Variants in RIMS2 observed in about 807,000 individuals in gnomAD.
The protein encoded by RIMS2 is regulating synaptic membrane exocytosis protein 2.
RIMS2 carries 59 observed loss-of-function variants against 174.4 expected under a neutral mutation model. The ratio of observed to expected loss-of-function variants is 0.34; its 90% CI spans 0.27 to 0.42. The LOEUF (loss-of-function observed/expected upper bound fraction) is 0.42, where lower values mean the gene tolerates loss of function less well. RIMS2 is among the 10% of genes least tolerant of loss of function. The probability of loss-of-function intolerance (pLI) is 1.00; values close to 1 mark genes in which losing one functional copy is unlikely to be tolerated. For synonymous variants in RIMS2, 606 were observed against 572.5 expected (o/e 1.06, Z -0.84); for missense variants, 1,620 against 1,666.3 (o/e 0.97, Z 0.48).
At chr8:104,178,722 C>G (rs547766351) in intron 19 of RIMS2, among the ~76,000 whole-genome samples, 2 of 152,092 alleles carry the variant, frequency 1.3e-5, no homozygotes, top group South Asian at 4.1e-4. Context: ...GCTGTTGATA[C>G]TACATGCTTT....
intron 12 of RIMS2, among the ~76,000 whole-genome samples, chr8:103,933,021 G>A (rs982063204): frequency 6.6e-5 from 10 of 152,004 alleles, no homozygotes; most frequent in African/African-American, 9.7e-5. Flanking sequence ...GGCCAGGCGC[G>A]GTGGCTCATG....
chr8:103,623,732 G>A (rs564315250), intron 1 of RIMS2, among the ~76,000 whole-genome samples: 2 of 151,140 alleles, frequency 1.3e-5, no homozygotes, highest in South Asian at 4.2e-4. Flanking sequence ...CTCGTGATCC[G>A]CCCGCTTCGG....
exon 8 of RIMS2, chr8:103,916,508 A>G: frequency 6.2e-7 from 1 of 1,611,360 alleles, no homozygotes; most frequent in Non-Finnish European, 8.5e-7. Flanking sequence ...CTGAACCACA[A>G]GTAGAACTTG....
At chr8:104,107,975 C>G (rs999150648) in intron 19 of RIMS2, among the ~76,000 whole-genome samples, 12 of 151,062 alleles carry the variant, frequency 7.9e-5, no homozygotes, top group East Asian at 5.8e-4. Context: ...CTGCCCCCCC[C>G]CCACAATGGA....
intron 19 of RIMS2, among the ~76,000 whole-genome samples, chr8:104,077,169 A>C (rs1031251439): frequency 6.6e-6 from 1 of 152,142 alleles, no homozygotes; most frequent in Non-Finnish European, 1.5e-5. Flanking sequence ...CTTAGAGCAG[A>C]GCTTGATATG....
intron 19 of RIMS2, among the ~76,000 whole-genome samples, chr8:104,030,796 G>T (rs2096374842): frequency 6.6e-6 from 1 of 151,818 alleles, no homozygotes. Flanking sequence ...ATTACCTCTG[G>T]ATATTTTATT....
At chr8:103,627,963 A>G (rs533425620) in intron 1 of RIMS2, among the ~76,000 whole-genome samples, 2 of 152,224 alleles carry the variant, frequency 1.3e-5, no homozygotes, top group African/African-American at 4.8e-5. Flanking sequence ...TGAATTTACA[A>G]CTCTCTTCAT....
At chr8:103,789,012 C>T (rs903829763) in intron 3 of RIMS2, among the ~76,000 whole-genome samples, 15 of 152,286 alleles carry the variant, frequency 9.8e-5, no homozygotes, top group African/African-American at 3.4e-4. Context: ...GCGCAGTATT[C>T]GGGTGGGAGT....
intron 1 of RIMS2, among the ~76,000 whole-genome samples, chr8:103,584,713 A>G (rs1193897739): frequency 6.6e-6 from 1 of 152,204 alleles, no homozygotes; most frequent in African/African-American, 2.4e-5. Flanking sequence ...GGTGACTTCA[A>G]TTCAAAACAC....
intron 10 of RIMS2, among the ~76,000 whole-genome samples, chr8:103,925,280 TA>T (rs1465845656): frequency 6.6e-6 from 1 of 151,628 alleles, no homozygotes; most frequent in Non-Finnish European, 1.5e-5. Context: ...AAGTTACTTT[TA>T]AAAATATCTT....
chr8:104,130,315 A>C (rs1208639112), intron 19 of RIMS2, among the ~76,000 whole-genome samples: 2 of 152,238 alleles, frequency 1.3e-5, no homozygotes, highest in Non-Finnish European at 2.9e-5. Flanking sequence ...CTGTACACCG[A>C]GCAGTCCTGC....
intron 17 of RIMS2, among the ~76,000 whole-genome samples, chr8:103,993,971 G>T (rs576072405): frequency 6.7e-6 from 1 of 149,202 alleles, no homozygotes; most frequent in Non-Finnish European, 1.5e-5. Context: ...GATTGCATGA[G>T]CCTAGGGAAG....
intron 1 of RIMS2, among the ~76,000 whole-genome samples, chr8:103,651,019 T>G (rs2096441965): frequency 6.6e-6 from 1 of 152,226 alleles, no homozygotes; most frequent in South Asian, 2.1e-4. Flanking sequence ...GGCCAAAGTA[T>G]GCAAAACTCC....
At chr8:103,641,277 G>A (rs1387124539) in intron 1 of RIMS2, among the ~76,000 whole-genome samples, 2 of 151,796 alleles carry the variant, frequency 1.3e-5, no homozygotes, top group East Asian at 1.9e-4. Flanking sequence ...AAATTTTAGA[G>A]GTGTATGTAA....
At chr8:103,896,550 A>C (rs559817956) in intron 4 of RIMS2, among the ~76,000 whole-genome samples, 1 of 151,818 alleles carries the variant, frequency 6.6e-6, no homozygotes, top group African/African-American at 2.4e-5. Flanking sequence ...TGTGAAGAGA[A>C]ATAGTCAACA....
chr8:103,560,720 T>C (rs2091449486), intron 1 of RIMS2, among the ~76,000 whole-genome samples: 1 of 152,226 alleles, frequency 6.6e-6, no homozygotes, highest in Admixed American at 6.5e-5. Flanking sequence ...ATTTAAGATA[T>C]GTTTTTAAAT....
At chr8:104,154,653 G>C (rs1307680821) in intron 19 of RIMS2, among the ~76,000 whole-genome samples, 1 of 152,118 alleles carries the variant, frequency 6.6e-6, no homozygotes, top group Non-Finnish European at 1.5e-5. Flanking sequence ...GGAACAATTG[G>C]GTAGGTGAGA....
chr8:103,618,521 C>CA (rs2095557841), intron 1 of RIMS2, among the ~76,000 whole-genome samples: 1 of 151,496 alleles, frequency 6.6e-6, no homozygotes, highest in African/African-American at 2.4e-5. Flanking sequence ...CAGACAGTTG[C>CA]AAAAAAGGGA....
chr8:103,598,627 G>A (rs974690445), intron 1 of RIMS2, among the ~76,000 whole-genome samples: 7 of 152,070 alleles, frequency 4.6e-5, no homozygotes, highest in Admixed American at 6.6e-5. Flanking sequence ...CTGTCCTGGC[G>A]AAGGACATTA....
Sources: allele counts gnomAD v4.1 joint callset (sites outside exome capture counted in the v4.1 genomes callset), GRCh38; gene constraint gnomAD v4.1.1; transcripts MANE v1.5; gene names NCBI Gene and HGNC (gene_info 2026-07-23, HGNC 2026-07-21).